The following DDAH1 variants were observed in gnomAD, a reference collection of about 807,000 sequenced individuals.
The protein encoded by DDAH1 is N(G),N(G)-dimethylarginine dimethylaminohydrolase 1.
In DDAH1, 19 loss-of-function variants were observed where a neutral mutation model predicts 28.8. That is an observed-to-expected ratio of 0.66 (90% CI 0.46 to 0.97). The LOEUF (loss-of-function observed/expected upper bound fraction) is 0.97, where lower values mean the gene tolerates loss of function less well. Ranked by LOEUF, DDAH1 falls within the 50% of genes least tolerant of loss-of-function variation. The pLI is 0.00. For missense variants in DDAH1, 326 were observed against 375.9 expected (o/e 0.87, Z 1.10); for synonymous variants, 153 against 154.4 (o/e 0.99, Z 0.07).
chr1:85,343,359 T>C (rs1398613886), intron 4 of DDAH1, among the ~76,000 whole-genome samples: 1 of 152,258 alleles, frequency 6.6e-6, no homozygotes, highest in Non-Finnish European at 1.5e-5. Flanking sequence ...CCTAGCCTTG[T>C]TGGCATACAG....
chr1:85,431,811 G>A (rs1457322621), intron 1 of DDAH1, among the ~76,000 whole-genome samples: 15 of 152,146 alleles, frequency 9.9e-5, no homozygotes, highest in African/African-American at 4.8e-5. Context: ...ATAGACAGAA[G>A]GGTCAAGCTA....
intron 1 of DDAH1, among the ~76,000 whole-genome samples, chr1:85,449,029 A>G (rs760547738): frequency 7.2e-5 from 11 of 152,190 alleles, no homozygotes; most frequent in Non-Finnish European, 1.5e-4. Context: ...ACTTCCTAAG[A>G]GGCTAAATCT....
At chr1:85,412,308 C>T (rs1271492848) in intron 1 of DDAH1, among the ~76,000 whole-genome samples, 1 of 152,178 alleles carries the variant, frequency 6.6e-6, no homozygotes, top group Non-Finnish European at 1.5e-5. Flanking sequence ...AATAATCAGT[C>T]TACTGTTAGA....
chr1:85,324,913 A>G (rs768601874), intron 4 of DDAH1, 30 bp from the exon 5 acceptor site: 15 of 1,609,780 alleles, frequency 9.3e-6, no homozygotes, highest in Non-Finnish European at 1.2e-5. Context: ...AGGCCTAAGA[A>G]GAGTAACTCC....
At chr1:85,469,365 C>A (rs1168364455), upstream of DDAH1, among the ~76,000 whole-genome samples, 1 of 152,200 alleles carries the variant, frequency 6.6e-6, no homozygotes, top group Non-Finnish European at 1.5e-5. Flanking sequence ...GTAATGAAAG[C>A]TTGGCTCCAC....
intron 1 of DDAH1, among the ~76,000 whole-genome samples, chr1:85,389,626 T>C (rs1651444904): frequency 6.6e-6 from 1 of 152,172 alleles, no homozygotes; most frequent in Non-Finnish European, 1.5e-5. Context: ...CTGATGTTGA[T>C]GGCTATATAA....
At chr1:85,415,572 T>C (rs931656818) in intron 1 of DDAH1, among the ~76,000 whole-genome samples, 1 of 152,078 alleles carries the variant, frequency 6.6e-6, no homozygotes, top group East Asian at 1.9e-4. Flanking sequence ...TTGAAATACA[T>C]CATACAGTAA....
rs1657725099 is a variant in DDAH1 at position 85,522,474 on chromosome 1, T to C, written c.-122-26193A>G. 3.5e-5 allele frequency among the ~76,000 whole-genome samples: 5 copies of C among 143,484 alleles called. No homozygotes were observed. The Admixed American group carries it at 3.5e-4, about 10-fold the overall frequency. 94.1% of individuals were successfully genotyped at this position (143,484 alleles called of 152,430 possible). On this transcript the variant is annotated intron_variant, in intron 1 of 6. Coordinates refer to the DDAH1 transcript ENST00000426972. ...TTCTGCCTAAGGGGCAGAATTTAAT[T>C]CTGTGCTAAGCTACTGTATGTGGGA...
At chr1:85,571,953 C>T (rs1659468903) in intron 1 of DDAH1, among the ~76,000 whole-genome samples, 1 of 152,164 alleles carries the variant, frequency 6.6e-6, no homozygotes, top group African/African-American at 2.4e-5. Flanking sequence ...GGACACCTTG[C>T]GTAAGGCACA....
At chr1:85,355,819 A>T (rs1649460139) in intron 2 of DDAH1, among the ~76,000 whole-genome samples, 1 of 152,200 alleles carries the variant, frequency 6.6e-6, no homozygotes. Flanking sequence ...CACAACATTG[A>T]AAATGAACTA....
At chr1:85,395,505 T>C (rs1185890852) in intron 1 of DDAH1, among the ~76,000 whole-genome samples, 2 of 152,032 alleles carry the variant, frequency 1.3e-5, no homozygotes, top group African/African-American at 2.4e-5. Context: ...AAACCCTGTC[T>C]CTACTAAAAA....
chr1:85,429,534 A>G (rs574563177), intron 1 of DDAH1, among the ~76,000 whole-genome samples: 1 of 152,282 alleles, frequency 6.6e-6, no homozygotes, highest in Admixed American at 6.5e-5. Flanking sequence ...TATACCCAGT[A>G]ATGGGATTGC....
At chr1:85,475,619 A>T (rs2100708961) in intron 2 of DDAH1, among the ~76,000 whole-genome samples, 1 of 152,314 alleles carries the variant, frequency 6.6e-6, no homozygotes, top group Middle Eastern at 3.4e-3. Context: ...AGAAAAATAG[A>T]TCATGTAAAC....
intron 1 of DDAH1, among the ~76,000 whole-genome samples, chr1:85,570,392 A>ACACACG (rs1441040159): frequency 1.3e-5 from 2 of 151,086 alleles, no homozygotes; most frequent in Non-Finnish European, 1.5e-5. Flanking sequence ...ACACACACAC[A>ACACACG]CACATCTCAG....
intron 1 of DDAH1, among the ~76,000 whole-genome samples, chr1:85,433,363 T>G (rs553546723): frequency 1.3e-5 from 2 of 152,170 alleles, no homozygotes; most frequent in South Asian, 4.1e-4. Context: ...ACATGAAATC[T>G]ACCTCTCTTC....
rs915731730 is a variant in DDAH1, at chr1:85,318,752, C to T, written c.*2700G>A. On this transcript the variant is annotated 3_prime_UTR_variant, in exon 6 of 6. Coordinates refer to ENST00000284031, the MANE Select transcript of DDAH1 (RefSeq NM_012137.4). ...AATAATTACAAAGACTGACATGCAA[C>T]TCTTTACCTTACATTATTCATCTAC... is the stretch of plus-strand genomic sequence containing the variant. 1 of 152,612 alleles carries T rather than the reference C, an allele frequency of 6.6e-6. No individual in the cohort carries two copies. Among genetic ancestry groups the T allele is most frequent in the East Asian group, 1.9e-4 (1 of 5,196 alleles). The allele number at this position is 152,612 out of a possible 1,614,324, so 9.5% of individuals were successfully genotyped here. A position where few individuals can be genotyped will look rare whatever the true frequency, so the allele number is the denominator to read the frequency against.
intron 1 of DDAH1, among the ~76,000 whole-genome samples, chr1:85,437,581 T>G (rs947834995): frequency 1.3e-5 from 2 of 152,210 alleles, no homozygotes; most frequent in African/African-American, 4.8e-5. Flanking sequence ...TATTATAAGA[T>G]TAAAATAGAT....
intron 1 of DDAH1, among the ~76,000 whole-genome samples, chr1:85,500,087 T>A (rs534807102): frequency 2.6e-5 from 4 of 151,670 alleles, no homozygotes; most frequent in Admixed American, 6.6e-5. Flanking sequence ...CTTTCCTTCC[T>A]TCCTTCCCTC....
At chr1:85,435,327 T>C (rs897865340) in intron 1 of DDAH1, 1 of 152,214 alleles carries the variant, frequency 6.6e-6, no homozygotes, top group Non-Finnish European at 1.5e-5. Context: ...TGCCTTGAGA[T>C]TTCTAATTAA....
Sources: allele counts gnomAD v4.1 joint callset (sites outside exome capture counted in the v4.1 genomes callset), GRCh38; gene constraint gnomAD v4.1.1; transcripts MANE v1.5; gene names NCBI Gene and HGNC (gene_info 2026-07-23, HGNC 2026-07-21).